KLHL29: variants seen among roughly 807,000 people sequenced by gnomAD.
KLHL29 encodes the protein kelch-like protein 29.
A neutral mutation model predicts 80.4 loss-of-function variants in KLHL29; 21 were observed. The observed-to-expected ratio is 0.26, with a 90% CI of 0.19 to 0.38. The LOEUF (loss-of-function observed/expected upper bound fraction) is 0.38, where lower values mean the gene tolerates loss of function less well. Among genes scored for constraint, KLHL29 ranks in the 10% least tolerant of loss-of-function variants. The probability of loss-of-function intolerance (pLI) is 1.00; values close to 1 mark genes in which losing one functional copy is unlikely to be tolerated. For missense variants in KLHL29, 867 were observed against 1,223.9 expected (o/e 0.71, Z 4.35); for synonymous variants, 511 against 526.8 (o/e 0.97, Z 0.41).
chr2:23,454,384 C>T (rs1030521364), intron 1 of KLHL29, among the ~76,000 whole-genome samples: 7 of 152,108 alleles, frequency 4.6e-5, no homozygotes, highest in Admixed American at 6.5e-5. Context: ...AAAGATTAAA[C>T]GAGTATGTTT....
chr2:23,675,890 GA>G (rs1670905981), intron 5 of KLHL29, among the ~76,000 whole-genome samples: 1 of 152,160 alleles, frequency 6.6e-6, no homozygotes, highest in African/African-American at 2.4e-5. Flanking sequence ...ACATTTGGGG[GA>G]ATGTGATCTA....
At chr2:23,685,345 C>T (rs1309651738) in intron 6 of KLHL29, 1 of 152,264 alleles carries the variant, frequency 6.6e-6, no homozygotes, top group African/African-American at 2.4e-5. Context: ...GGAGAGCAGC[C>T]AAGGGGCCAG....
chr2:23,653,412 C>A (rs532835573), intron 5 of KLHL29, among the ~76,000 whole-genome samples: 11 of 152,328 alleles, frequency 7.2e-5, no homozygotes, highest in African/African-American at 2.6e-4. Flanking sequence ...CTGCATGGGC[C>A]GCACTGGGCC....
chr2:23,703,636 C>T (rs77064076), intron 12 of KLHL29, 83 bp from the exon 13 acceptor site: 87,454 of 1,438,384 alleles, frequency 0.061, 2,972 homozygotes, highest in Non-Finnish European at 0.067. Flanking sequence ...GAGCTTCCTT[C>T]CCTGGAGGGT....
At position 23,681,450 on chromosome 2, in the gene KLHL29, G is replaced by A. The variant is rs1671080885; in HGVS notation, c.941-2949G>A. Among the ~76,000 whole-genome samples, 1 of 152,170 alleles carries A rather than the reference G, an allele frequency of 6.6e-6. No homozygotes were observed. The highest frequency in any genetic ancestry group is 1.5e-5 in the Non-Finnish European group (1 of 68,040). On this transcript the variant is annotated intron_variant, in intron 5 of 13. Transcript: ENST00000486442. The surrounding 1 kb of genome is among the most constrained non-coding windows in gnomAD (Gnocchi z 4.2). ...GGGGCTTTAGATAGAATCATTGCCG[G>A]GACCTCGATTTGAAAGGAAGGTCTT... is the stretch of plus-strand genomic sequence containing the variant.
Position 23,562,798 on chromosome 2 carries a change from G to A in KLHL29, c.285+317G>A, listed in dbSNP as rs1667485881. On this transcript the variant is annotated intron_variant, in intron 3 of 13. Transcript: ENST00000486442. The surrounding 1 kb of genome is among the most constrained non-coding windows in gnomAD (Gnocchi z 4.5). ...AGTGGACCTCCAAGATGGCAATATG[G>A]GGTTCCTAAATAGATAAATTGAGAC... 6.6e-6 allele frequency among the ~76,000 whole-genome samples: 1 copy of A among 152,158 alleles called. No homozygotes were observed. The highest frequency in any genetic ancestry group is 2.4e-5 in the African/African-American group (1 of 41,430).
At chr2:23,553,571 A>G (rs1300634583) in intron 2 of KLHL29, among the ~76,000 whole-genome samples, 1 of 152,182 alleles carries the variant, frequency 6.6e-6, no homozygotes, top group Non-Finnish European at 1.5e-5. Flanking sequence ...CCTGAGGAAT[A>G]TGTCACTCTC....
intron 3 of KLHL29, among the ~76,000 whole-genome samples, chr2:23,583,900 T>C (rs1439510877): frequency 6.6e-6 from 1 of 152,184 alleles, no homozygotes; most frequent in Non-Finnish European, 1.5e-5. Context: ...CTCTTTATCT[T>C]GTTGTAATTG....
At chr2:23,474,652 A>G (rs1000733437) in intron 1 of KLHL29, among the ~76,000 whole-genome samples, 21 of 152,154 alleles carry the variant, frequency 1.4e-4, no homozygotes, top group Admixed American at 9.2e-4. Context: ...GCTTAGGTTG[A>G]GAGGATCTGA....
At chr2:23,435,739 A>G (rs1663319979) in intron 1 of KLHL29, among the ~76,000 whole-genome samples, 1 of 152,214 alleles carries the variant, frequency 6.6e-6, no homozygotes, top group African/African-American at 2.4e-5. Context: ...TATTGTAAGC[A>G]TAGTGCGATG....
At chr2:23,498,920 C>T (rs1458196163) in intron 2 of KLHL29, among the ~76,000 whole-genome samples, 3 of 152,164 alleles carry the variant, frequency 2.0e-5, no homozygotes, top group African/African-American at 4.8e-5. Flanking sequence ...AGTGACAGAG[C>T]CTACGGAGCT....
At chr2:23,635,686 C>G (rs887210052) in intron 3 of KLHL29, among the ~76,000 whole-genome samples, 2 of 152,248 alleles carry the variant, frequency 1.3e-5, no homozygotes, top group Non-Finnish European at 2.9e-5. Flanking sequence ...CCAAGAGAAG[C>G]CTGCTCAGGC....
intron 2 of KLHL29, among the ~76,000 whole-genome samples, chr2:23,523,016 G>A (rs1267339884): frequency 1.3e-5 from 2 of 151,724 alleles, no homozygotes; most frequent in East Asian, 1.9e-4. Context: ...GAATCTATGC[G>A]CCTGCCTGTG....
At chr2:23,655,028 C>T (rs1477292983) in intron 5 of KLHL29, among the ~76,000 whole-genome samples, 1 of 152,210 alleles carries the variant, frequency 6.6e-6, no homozygotes, top group Non-Finnish European at 1.5e-5. Context: ...TGATACTTCT[C>T]TGTATAAGCT....
At chr2:23,566,184 C>T (rs956837634) in intron 3 of KLHL29, among the ~76,000 whole-genome samples, 1 of 152,236 alleles carries the variant, frequency 6.6e-6, no homozygotes, top group Non-Finnish European at 1.5e-5. Flanking sequence ...GTTGGACAAG[C>T]AGACTCCTGG....
intron 8 of KLHL29, among the ~76,000 whole-genome samples, chr2:23,694,371 CCTT>C (rs1230458809): frequency 6.6e-6 from 1 of 152,224 alleles, no homozygotes; most frequent in South Asian, 2.1e-4. Flanking sequence ...CCCATCGAGA[CCTT>C]CCTCCTCTCG....
At chr2:23,567,346 C>T (rs992274116) in intron 3 of KLHL29, among the ~76,000 whole-genome samples, 3 of 152,180 alleles carry the variant, frequency 2.0e-5, no homozygotes, top group Non-Finnish European at 4.4e-5. Context: ...TGAAACATTC[C>T]CATCGTCCCT....
chr2:23,654,816 G>A (rs1352846029), intron 5 of KLHL29, among the ~76,000 whole-genome samples: 1 of 152,036 alleles, frequency 6.6e-6, no homozygotes, highest in Non-Finnish European at 1.5e-5. Context: ...GGAAAACCAA[G>A]GCCTGGCTTA....
At chr2:23,688,606 C>T (rs1475549956) in intron 6 of KLHL29, among the ~76,000 whole-genome samples, 1 of 152,058 alleles carries the variant, frequency 6.6e-6, no homozygotes, top group African/African-American at 2.4e-5. Flanking sequence ...CACCCCCACG[C>T]CCAGAAGTAG....
Sources: allele counts gnomAD v4.1 joint callset (sites outside exome capture counted in the v4.1 genomes callset), GRCh38; gene constraint gnomAD v4.1.1; non-coding constraint Gnocchi (gnomAD v3.1); transcripts MANE v1.5; gene names NCBI Gene and HGNC (gene_info 2026-07-23, HGNC 2026-07-21).